The following TBCD variants were observed in gnomAD, a reference collection of about 807,000 sequenced individuals.
The protein encoded by TBCD is tubulin-specific chaperone D.
TBCD carries 105 observed loss-of-function variants against 169.3 expected under a neutral mutation model. The ratio of observed to expected loss-of-function variants is 0.62; its 90% CI spans 0.53 to 0.73. TBCD has a LOEUF of 0.73. TBCD is among the 30% of genes least tolerant of loss of function. TBCD has a pLI of 0.00. For synonymous variants in TBCD, 700 were observed against 643.9 expected (o/e 1.09, Z -1.32); for missense variants, 1,444 against 1,600.1 (o/e 0.90, Z 1.66).
intron 21 of TBCD, 92 bp downstream of exon 21, chr17:82,907,913 C>T: frequency 7.2e-7 from 1 of 1,380,486 alleles, no homozygotes. Flanking sequence ...GGTCTGCAGT[C>T]CTGGTGGCCA....
At chr17:82,859,033 C>T (rs975598325) in intron 13 of TBCD, among the ~76,000 whole-genome samples, 8 of 152,236 alleles carry the variant, frequency 5.3e-5, no homozygotes, top group African/African-American at 1.9e-4. Flanking sequence ...CTCGGGGCCC[C>T]GAGAGGCCAT....
At chr17:82,793,012 C>G (rs1237860483) in intron 7 of TBCD, among the ~76,000 whole-genome samples, 3 of 152,158 alleles carry the variant, frequency 2.0e-5, no homozygotes, top group African/African-American at 7.2e-5. Context: ...ACCCTCCTGC[C>G]TTGGCCTCCC....
intron 14 of TBCD, among the ~76,000 whole-genome samples, chr17:82,883,282 T>G (rs1041234022): frequency 1.4e-4 from 21 of 152,246 alleles, no homozygotes; most frequent in African/African-American, 4.3e-4. Flanking sequence ...TGTCTGAAAT[T>G]CTGTTTTCCA....
chr17:82,793,413 C>G (rs1176681120), intron 7 of TBCD, among the ~76,000 whole-genome samples: 1 of 152,220 alleles, frequency 6.6e-6, no homozygotes, highest in African/African-American at 2.4e-5. Context: ...TAGTGGGGCT[C>G]TTTAAGATGT....
intron 15 of TBCD, among the ~76,000 whole-genome samples, chr17:82,885,483 G>A (rs545476086): frequency 2.0e-4 from 30 of 152,282 alleles, no homozygotes; most frequent in African/African-American, 7.0e-4. Context: ...GAGCTCAGAA[G>A]CTCTTCTCTG....
At position 82,890,754 on chromosome 17, in the gene TBCD, G is replaced by A. The variant is rs1269238486; in HGVS notation, c.1563+1057G>A. Reference sequence around the variant, plus strand: ...GCCGTGGGGCCTGCATGTGTTCAGAGCCCTGAGCCCTGGTCGGAGCCAGTT... The same window carrying A: ...GCCGTGGGGCCTGCATGTGTTCAGAACCCTGAGCCCTGGTCGGAGCCAGTT... On this transcript the variant is annotated intron_variant, in intron 16 of 38. Transcript: ENST00000355528. The surrounding 1 kb of genome is among the most constrained non-coding windows in gnomAD (Gnocchi z 5.3). Among the ~76,000 whole-genome samples, 2 of 152,192 alleles carry A rather than the reference G, an allele frequency of 1.3e-5. No individual in the cohort carries two copies. The highest frequency in any genetic ancestry group is 2.9e-5 in the Non-Finnish European group (2 of 68,028).
At chr17:82,764,403 G>A (rs963436273) in intron 3 of TBCD, among the ~76,000 whole-genome samples, 2 of 152,196 alleles carry the variant, frequency 1.3e-5, no homozygotes, top group African/African-American at 4.8e-5. Context: ...CCAGCACTTT[G>A]GGAGGCTGAG....
Position 82,831,313 on chromosome 17 carries a change from A to G in TBCD, c.1318+16379A>G, listed in dbSNP as rs1301034616. On this transcript the variant is annotated intron_variant, in intron 13 of 38. Transcript: ENST00000355528. The surrounding 1 kb of genome is among the most constrained non-coding windows in gnomAD (Gnocchi z 4.6). ...CTTGGAGGAGTCTTTAGCCTCAGGA[A>G]TTGGACTTTCGAACTCGACGTGTTT... 1 of 1,614,012 alleles carries G rather than the reference A, an allele frequency of 6.2e-7. No homozygotes were observed. The highest frequency in any genetic ancestry group is 1.1e-5 in the South Asian group (1 of 91,086).
At chr17:82,778,287 C>G (rs538962452) in intron 6 of TBCD, among the ~76,000 whole-genome samples, 4 of 152,140 alleles carry the variant, frequency 2.6e-5, no homozygotes, top group African/African-American at 9.6e-5. Context: ...CCACAGTATT[C>G]CGCTTTTCCA....
Position 82,903,593 on chromosome 17 carries a change from G to C in TBCD, c.1804+115G>C. The C allele has an allele frequency of 9.2e-7, 1 of 1,092,172 alleles. No homozygotes were observed. Among genetic ancestry groups the C allele is most frequent in the Non-Finnish European group, 1.3e-6 (1 of 758,286 alleles). 67.7% of individuals were successfully genotyped at this position (1,092,172 alleles called of 1,614,324 possible). On this transcript the variant is annotated intron_variant, in intron 19 of 38. Transcript: ENST00000355528. The surrounding 1 kb of genome is among the most constrained non-coding windows in gnomAD (Gnocchi z 4.8). ...TAAGGTTGTGCTTCTGTCTTGGTGA[G>C]AAGCATCTGAGGAAAGAGCTGTGGA...
intron 37 of TBCD, among the ~76,000 whole-genome samples, chr17:82,940,139 C>A (rs1288108772): frequency 1.3e-5 from 2 of 151,836 alleles, no homozygotes; most frequent in Admixed American, 1.3e-4. Context: ...CCGGTATGTT[C>A]CTGGGAACAG....
At chr17:82,869,038 G>A (rs2057380530) in intron 13 of TBCD, among the ~76,000 whole-genome samples, 1 of 152,204 alleles carries the variant, frequency 6.6e-6, no homozygotes, top group South Asian at 2.1e-4. Context: ...CTTGGTGTGT[G>A]GGTGCTTCAG....
chr17:82,926,190 T>C (rs147795486), intron 27 of TBCD, among the ~76,000 whole-genome samples: 3,820 of 113,868 alleles, frequency 0.034, 138 homozygotes, highest in Middle Eastern at 0.05. Flanking sequence ...TGGGTTGTAC[T>C]GGGGGCCGTG....
intron 2 of TBCD, among the ~76,000 whole-genome samples, chr17:82,761,747 G>C (rs1437759800): frequency 1.3e-5 from 2 of 148,426 alleles, no homozygotes; most frequent in African/African-American, 5.0e-5. Context: ...ATGGAGTCTT[G>C]GTCTGTTGCC....
intron 13 of TBCD, among the ~76,000 whole-genome samples, chr17:82,846,359 A>ACGGGC (rs1567879436): frequency 2.0e-5 from 3 of 147,416 alleles, no homozygotes; most frequent in African/African-American, 7.6e-5. Flanking sequence ...TGCCCCCTCC[A>ACGGGC]TGCGCTGTGT....
chr17:82,909,442 G>A (rs2060463587), intron 22 of TBCD, 135 bp downstream of exon 22: 6 of 577,062 alleles, frequency 1.0e-5, no homozygotes, highest in African/African-American at 5.6e-5. Context: ...GTGTCACCCG[G>A]CCCGCTGTGG....
At chr17:82,822,631 G>A (rs601533) in intron 13 of TBCD, among the ~76,000 whole-genome samples, 81,773 of 152,000 alleles carry the variant, frequency 0.54, 22,097 homozygotes, top group South Asian at 0.65. Context: ...AATACACGGG[G>A]GTGCAGTGGA....
At chr17:82,826,526 C>T (rs2052865753) in intron 13 of TBCD, among the ~76,000 whole-genome samples, 1 of 151,934 alleles carries the variant, frequency 6.6e-6, no homozygotes. Flanking sequence ...AGCAATCCTC[C>T]TGCCTCAGCC....
At chr17:82,881,529 C>T (rs1045188053) in intron 14 of TBCD, among the ~76,000 whole-genome samples, 31 of 152,134 alleles carry the variant, frequency 2.0e-4, no homozygotes, top group Non-Finnish European at 4.3e-4. Context: ...CGCTCCCAGC[C>T]GATACGGGCC....
Sources: gnomAD v4.1 joint callset for allele counts (sites outside exome capture counted in the v4.1 genomes callset) on GRCh38, gnomAD v4.1.1 for gene constraint, Gnocchi (gnomAD v3.1) non-coding constraint, MANE v1.5 for transcripts, NCBI Gene and HGNC (gene_info 2026-07-23, HGNC 2026-07-21) for gene names.